ATG4A: variants seen among roughly 807,000 people sequenced by gnomAD.
ATG4A encodes the protein cysteine protease ATG4A.
ATG4A carries 22 observed loss-of-function variants against 38.4 expected under a neutral mutation model. The observed-to-expected ratio is 0.57, with a 90% confidence interval of 0.41 to 0.82. ATG4A has a LOEUF of 0.82. ATG4A is among the 40% of genes least tolerant of loss of function. ATG4A has a pLI of 0.00. For missense variants in ATG4A, 220 were observed against 290.0 expected, an observed-to-expected ratio of 0.76 and a Z score of 1.75; for synonymous variants, 86 against 100.7, an observed-to-expected ratio of 0.85 and a Z score of 0.88.
chrX:108,101,003 G>A (rs1200439980), intron 1 of ATG4A, among the ~76,000 whole-genome samples: 1 of 110,556 alleles, frequency 9.0e-6, no homozygotes, highest in Non-Finnish European at 1.9e-5. Context: ...GTAGAATGCT[G>A]CAGTGAAATC....
At chrX:108,094,449 T>A (rs2031741257) in intron 1 of ATG4A, among the ~76,000 whole-genome samples, 1 of 111,397 alleles carries the variant, frequency 9.0e-6, no homozygotes, top group Non-Finnish European at 1.9e-5. Flanking sequence ...TCTCTAGAGA[T>A]GCTGTCCCAT....
intron 1 of ATG4A, among the ~76,000 whole-genome samples, chrX:108,117,480 G>A (rs2032540368): frequency 9.0e-6 from 1 of 111,701 alleles, no homozygotes; most frequent in South Asian, 3.7e-4. Flanking sequence ...GGGATTTAAG[G>A]GCAAGTAGAA....
intron 9 of ATG4A, among the ~76,000 whole-genome samples, chrX:108,142,262 G>A (rs976434108): frequency 3.6e-5 from 4 of 110,024 alleles, no homozygotes; most frequent in Non-Finnish European, 7.6e-5. Flanking sequence ...CAAAAAATTC[G>A]CTGGATGTGG....
intron 1 of ATG4A, among the ~76,000 whole-genome samples, chrX:108,117,210 G>A (rs2032533993): frequency 9.0e-6 from 1 of 110,843 alleles, no homozygotes; most frequent in South Asian, 3.9e-4. Context: ...TAAACCTTAG[G>A]AGAGGACTTA....
intron 1 of ATG4A, among the ~76,000 whole-genome samples, chrX:108,109,633 A>G (rs1206338711): frequency 8.9e-6 from 1 of 112,365 alleles, no homozygotes; most frequent in South Asian, 3.7e-4. Context: ...TCTTTAATCT[A>G]TATTGAGTTA....
chrX:108,115,720 T>A (rs1041779457), intron 1 of ATG4A, among the ~76,000 whole-genome samples: 1 of 112,176 alleles, frequency 8.9e-6, no homozygotes, highest in African/African-American at 3.2e-5. Flanking sequence ...ATCATATCTC[T>A]TGGTGAACAT....
intron 4 of ATG4A, among the ~76,000 whole-genome samples, chrX:108,133,187 C>G (rs1437953290): frequency 8.9e-6 from 1 of 112,277 alleles, no homozygotes; most frequent in East Asian, 2.8e-4. Context: ...CCTTTGGCTT[C>G]AAGTGTAGTT....
chrX:108,133,955 T>C, intron 4 of ATG4A, 102 bp from the exon 5 acceptor site: 1 of 596,686 alleles, frequency 1.7e-6, no homozygotes, highest in African/African-American at 2.3e-5. Context: ...CTTCTAGATG[T>C]GGTGCCTTTG....
upstream of ATG4A, among the ~76,000 whole-genome samples, chrX:108,091,060 AT>A (rs1424517089): frequency 8.8e-6 from 1 of 113,429 alleles, no homozygotes; most frequent in South Asian, 3.5e-4. Flanking sequence ...GGGGCGTTCA[AT>A]TTCACATGCG....
At chrX:108,100,761 AT>A (rs1427221260) in intron 1 of ATG4A, among the ~76,000 whole-genome samples, 1 of 111,982 alleles carries the variant, frequency 8.9e-6, no homozygotes, top group African/African-American at 3.2e-5. Context: ...GATAAAACAC[AT>A]TTGGATGCGA....
chrX:108,142,763 T>C (rs2033335656), intron 9 of ATG4A, among the ~76,000 whole-genome samples: 1 of 111,198 alleles, frequency 9.0e-6, no homozygotes, highest in Non-Finnish European at 1.9e-5. Flanking sequence ...GGTTAGATTG[T>C]GCCCACCTGA....
At chrX:108,140,114 G>C (rs1350769004) in intron 9 of ATG4A, among the ~76,000 whole-genome samples, 1 of 111,517 alleles carries the variant, frequency 9.0e-6, no homozygotes, top group Non-Finnish European at 1.9e-5. Context: ...AATAACTTTG[G>C]AGGAATCTCA....
chrX:108,104,573 C>A (rs1170104223), intron 1 of ATG4A, among the ~76,000 whole-genome samples: 2 of 110,957 alleles, frequency 1.8e-5, no homozygotes, highest in East Asian at 5.6e-4. Context: ...TTTCAAAATT[C>A]TTTCTTTGTC....
intron 10 of ATG4A, 138 bp downstream of exon 10, chrX:108,150,435 G>A (rs1018930875): frequency 1.2e-6 from 1 of 834,203 alleles, no homozygotes; most frequent in Non-Finnish European, 1.7e-6. Context: ...AGTGTAGTGG[G>A]GAAGGAATGG....
chrX:108,138,301 A>G, intron 9 of ATG4A, 110 bp downstream of exon 9: 2 of 681,732 alleles, frequency 2.9e-6, no homozygotes, highest in Non-Finnish European at 2.3e-6. Flanking sequence ...CGTCTAGCCC[A>G]GGAATGCCGT....
At chrX:108,101,616 A>G (rs1201562089) in intron 1 of ATG4A, among the ~76,000 whole-genome samples, 1 of 109,132 alleles carries the variant, frequency 9.2e-6, no homozygotes, top group Non-Finnish European at 1.9e-5. Context: ...AGTTCTTAAC[A>G]AACTTTAAAG....
At chrX:108,121,010 G>A (rs1407085762) in intron 1 of ATG4A, among the ~76,000 whole-genome samples, 2 of 112,448 alleles carry the variant, frequency 1.8e-5, no homozygotes, top group African/African-American at 6.5e-5. Flanking sequence ...GTGACTTGCT[G>A]AGTAAATTCA....
At chrX:108,113,418 C>G (rs983913360) in intron 1 of ATG4A, among the ~76,000 whole-genome samples, 21 of 111,047 alleles carry the variant, frequency 1.9e-4, no homozygotes, top group African/African-American at 6.6e-4. Flanking sequence ...GGGGCACTGA[C>G]AAGGAGTTCA....
intron 6 of ATG4A, among the ~76,000 whole-genome samples, chrX:108,136,443 A>G (rs1304407438): frequency 1.8e-5 from 2 of 111,617 alleles, no homozygotes; most frequent in African/African-American, 6.5e-5. Flanking sequence ...AATACACCAT[A>G]AAGTCCTACA....
Sources: allele counts gnomAD v4.1 joint callset (sites outside exome capture counted in the v4.1 genomes callset), GRCh38; gene constraint gnomAD v4.1.1; transcripts MANE v1.5; gene names NCBI Gene and HGNC (gene_info 2026-07-23, HGNC 2026-07-21).